MKI67: variants seen among roughly 807,000 people sequenced by gnomAD.
MKI67 encodes marker of proliferation Ki-67.
In MKI67, 152 loss-of-function variants were observed where a neutral mutation model predicts 233.5. That is an observed-to-expected ratio of 0.65 (90% CI 0.57 to 0.74). MKI67 has a LOEUF of 0.74. MKI67 is among the 30% of genes least tolerant of loss of function. The pLI, the probability that MKI67 is intolerant of heterozygous loss-of-function variation, is 0.00. For synonymous variants in MKI67, 1,465 were observed against 1,418.5 expected (o/e 1.03, Z -0.74); for missense variants, 3,940 against 3,885.2 (o/e 1.01, Z -0.37).
intron 2 of MKI67, among the ~76,000 whole-genome samples, chr10:128,123,572 G>T (rs1852995089): frequency 6.6e-6 from 1 of 152,172 alleles, no homozygotes; most frequent in Non-Finnish European, 1.5e-5. Context: ...ATCCCCAAAT[G>T]TGCTTATTTG....
In MKI67 at chr10:128,125,711, G is replaced by T. The variant is rs748958146; in HGVS notation, c.-44C>A. On this transcript the variant is annotated 5_prime_UTR_variant, in exon 2 of 15. Transcript: ENST00000368654. This position sits in a 1 kb window ranked among gnomAD's most constrained non-coding sequence, Gnocchi z 5.3. ...AGTATAATCCGTAGGGGAAGGCCAG[G>T]TATAATCCGTAGGGGAAGGCCAGAA... is the stretch of plus-strand genomic sequence containing the variant. The T allele has an allele frequency of 6.6e-7, 1 of 1,524,254 alleles. No homozygotes were observed. The highest frequency in any genetic ancestry group is 2.3e-5 in the East Asian group (1 of 44,438). The allele number at this position is 1,524,254 out of a possible 1,614,324, so 94.4% of individuals were successfully genotyped here. A position where few individuals can be genotyped will look rare whatever the true frequency, so the allele number is the denominator to read the frequency against.
At position 128,106,098 on chromosome 10, in the gene MKI67, C is replaced by T. The variant is rs772159000; in HGVS notation, c.5742G>A (p.Glu1914=). The T allele has an allele frequency of 2.7e-5, 44 of 1,613,998 alleles. No individual in the cohort carries two copies. Among genetic ancestry groups the T allele is most frequent in the Non-Finnish European group, 3.6e-5 (43 of 1,180,020 alleles). Residue 1914 remains glutamate (E), a synonymous_variant, in exon 13 of 15, where the codon GAG becomes GAA. Transcript: ENST00000368654. ...TCCCCACAAATGTGTTGATGTCTTT[C>T]TCTTCACCTACTGCTGCTTTAGGCG... ...MHTPKAAVGE[E]KDINTFVGTP... is the part of the protein sequence containing the mutation.
chr10:128,124,065 T>A (rs1404309576), intron 2 of MKI67, among the ~76,000 whole-genome samples: 1 of 152,184 alleles, frequency 6.6e-6, no homozygotes, highest in Non-Finnish European at 1.5e-5. Context: ...GACCAAACAC[T>A]TAGGAATTAT....
chr10:128,113,648 C>A, intron 7 of MKI67, 46 bp from the exon 8 acceptor site: 2 of 1,547,058 alleles, frequency 1.3e-6, no homozygotes, highest in Non-Finnish European at 1.8e-6. Context: ...AAAAAACATA[C>A]CAAGACTAGT....
intron 8 of MKI67, among the ~76,000 whole-genome samples, chr10:128,113,128 C>T (rs11592824): frequency 0.067 from 10,214 of 152,182 alleles, 654 homozygotes; most frequent in African/African-American, 0.16. Flanking sequence ...GCTATTCTGA[C>T]GGTGCCTGCA....
Position 128,105,667 on chromosome 10 carries a change from C to A in MKI67, c.6173G>T (p.Gly2058Val). The A allele has an allele frequency of 6.2e-7, 1 of 1,613,622 alleles. No homozygotes were observed. Among genetic ancestry groups the A allele is most frequent in the Non-Finnish European group, 8.5e-7 (1 of 1,179,942 alleles). ...AGGTGTTCTTGGCCACCTCTCCATC[C>A]CAGTTCCATAGTTTGCTGGGTCCAG... is the stretch of plus-strand genomic sequence containing the variant. Reference protein sequence around the residue: ...QMLDPANYGTGMERWPRTPKE... With the variant: ...QMLDPANYGTVMERWPRTPKE... The change falls in exon 13 of 15, where the codon GGG becomes GTG. Residue 2058 changes from glycine (G) to valine (V), a missense_variant. Coordinates refer to ENST00000368654, the MANE Select transcript of MKI67 (RefSeq NM_002417.5).
Position 128,115,537 on chromosome 10 carries a change from T to TA in MKI67, c.870dup (p.Lys291Ter). 1 of 1,614,264 alleles carries TA rather than the reference T, an allele frequency of 6.2e-7. No individual in the cohort carries two copies. The highest frequency in any genetic ancestry group is 1.1e-5 in the South Asian group (1 of 91,086). ...CTCCCACCAGATTTTGGTCTTGACTTACGCGAGACCAACAGTTGGGTCTCC... is the reference window on the plus strand; with the variant it reads ...CTCCCACCAGATTTTGGTCTTGACTTAACGCGAGACCAACAGTTGGGTCTCC... On this transcript the variant is annotated frameshift_variant, in exon 7 of 15. Coordinates refer to ENST00000368654, the MANE Select transcript of MKI67 (RefSeq NM_002417.5). LOFTEE classifies it high-confidence loss of function.
chr10:128,111,258 C>T (rs1311789124), intron 11 of MKI67, among the ~76,000 whole-genome samples: 1 of 152,202 alleles, frequency 6.6e-6, no homozygotes, highest in Non-Finnish European at 1.5e-5. Flanking sequence ...AAAGTCAATC[C>T]TGAAGAAGCA....
In MKI67 at chr10:128,107,616, C is replaced by T; in HGVS notation, c.4224G>A (p.Lys1408=). The change falls in exon 13 of 15, where the codon AAG becomes AAA. Residue 1408 remains lysine (K), a synonymous_variant. Coordinates refer to ENST00000368654, the MANE Select transcript of MKI67 (RefSeq NM_002417.5). ...TTTCCCCTGATGTCTGTGTGAGCTT[C>T]TTCAGGGCTGAGAGCTCCTTCTGTA... The part of the protein sequence containing the change: ...RDVQKELSAL[K]KLTQTSGETT... The T allele has an allele frequency of 6.2e-7, 1 of 1,614,126 alleles. No homozygotes were observed. The highest frequency in any genetic ancestry group is 2.2e-5 in the East Asian group (1 of 44,876).
chr10:128,097,170 C>T lies in MKI67; in HGVS notation c.*2020G>A, dbSNP rs1465635641. ...GAATGTCCTATTACATGGAAATTCACTTGGAAACTGAAGCTCAGAGAAGTT... is the reference window on the plus strand; with the variant it reads ...GAATGTCCTATTACATGGAAATTCATTTGGAAACTGAAGCTCAGAGAAGTT... On this transcript the variant is annotated 3_prime_UTR_variant, in exon 15 of 15. Transcript: ENST00000368654. The T allele has an allele frequency of 1.3e-5, 2 of 152,112 alleles. No individual in the cohort carries two copies. The highest frequency in any genetic ancestry group is 2.9e-5 in the Non-Finnish European group (2 of 68,034). The allele number at this position is 152,112 out of a possible 1,614,324, so 9.4% of individuals were successfully genotyped here.
Position 128,103,995 on chromosome 10 carries a change from C to T in MKI67, c.7845G>A (p.Glu2615=). The stretch of plus-strand genomic sequence containing the variant: ...GCGTGAGCCTCTCAACTGCTGAGAG[C>T]TCCTCTTTTACTTCTTTCCTGGGAC... The part of the protein sequence containing the change: ...KTRPRKEVKE[E]LSAVERLTQT... The change falls in exon 13 of 15, where the codon GAG becomes GAA. Residue 2615 remains glutamate (E), a synonymous_variant. Coordinates refer to ENST00000368654, the MANE Select transcript of MKI67 (RefSeq NM_002417.5). 5 of 1,614,058 alleles carry T rather than the reference C, an allele frequency of 3.1e-6. No homozygotes were observed. The highest frequency in any genetic ancestry group is 4.2e-6 in the Non-Finnish European group (5 of 1,180,020).
intron 2 of MKI67, among the ~76,000 whole-genome samples, chr10:128,124,275 C>G (rs908360425): frequency 1.3e-5 from 2 of 152,164 alleles, no homozygotes; most frequent in Admixed American, 6.5e-5. Flanking sequence ...GAAAGACTAT[C>G]CCTTACAACT....
rs1852813693 is a variant in MKI67, at chr10:128,116,539, G to A, written c.355-3C>T. ...CTTGAGACACGACGTGCTGGCTCCT[G>A]TAAGTTGGGAAAATAAGAACAGTTA... On this transcript the variant is annotated splice_region_variant and splice_polypyrimidine_tract_variant and intron_variant, in intron 5 of 14. Coordinates refer to ENST00000368654, the MANE Select transcript of MKI67 (RefSeq NM_002417.5). 1.9e-6 allele frequency: 3 copies of A among 1,613,438 alleles called. No homozygotes were observed. The highest frequency in any genetic ancestry group is 1.7e-6 in the Non-Finnish European group (2 of 1,179,332).
chr10:128,114,207 G>A (rs1030676357), intron 7 of MKI67, among the ~76,000 whole-genome samples: 5 of 152,174 alleles, frequency 3.3e-5, no homozygotes, highest in African/African-American at 9.7e-5. Flanking sequence ...CCTGGAGTAC[G>A]AATACTGCGT....
chr10:128,115,057 G>C lies in MKI67; in HGVS notation c.1351C>G (p.Gln451Glu). 1 of 1,613,586 alleles carries C rather than the reference G, an allele frequency of 6.2e-7. No homozygotes were observed. The highest frequency in any genetic ancestry group is 8.5e-7 in the Non-Finnish European group (1 of 1,179,462). ...NEPFLTLWLT[Q>E]VERKIQKDSL... The stretch of plus-strand genomic sequence containing the variant: ...TCCTTTTGGATCTTCCTCTCAACTT[G>C]AGTGAGCCACAGAGTTAAAAATGGC... The change falls in exon 7 of 15, where the codon CAA becomes GAA. Residue 451 changes from glutamine to glutamate, a missense_variant. By Grantham distance (29) the Gln-to-Glu change is conservative. Transcript: ENST00000368654.
Position 128,112,155 on chromosome 10 carries a change from A to G in MKI67, c.1947T>C (p.Gly649=). The G allele has an allele frequency of 1.2e-6, 2 of 1,613,906 alleles. No individual in the cohort carries two copies. Among genetic ancestry groups the G allele is most frequent in the Non-Finnish European group, 1.7e-6 (2 of 1,179,756 alleles). ...AACCAATCAGATTTGCTTCCGAAGCACCACTTCTTCTTTTGGAACATATCA... is the reference window on the plus strand; with the variant it reads ...AACCAATCAGATTTGCTTCCGAAGCGCCACTTCTTCTTTTGGAACATATCA... The part of the protein sequence containing the change: ...LQMICSKRRS[G]ASEANLIVAK... Residue 649 remains glycine, a synonymous_variant, in exon 9 of 15, where the codon GGT becomes GGC. Transcript: ENST00000368654.
intron 14 of MKI67, among the ~76,000 whole-genome samples, chr10:128,100,280 C>G (rs1852309673): frequency 6.6e-6 from 1 of 152,162 alleles, no homozygotes; most frequent in African/African-American, 2.4e-5. Context: ...ACTAGGACTT[C>G]CTGCCCACCA....
At position 128,109,150 on chromosome 10, in the gene MKI67, T is replaced by C. The variant is rs1852609969; in HGVS notation, c.2690A>G (p.Asn897Ser). The C allele has an allele frequency of 6.2e-7, 1 of 1,614,134 alleles. No individual in the cohort carries two copies. The highest frequency in any genetic ancestry group is 1.3e-5 in the African/African-American group (1 of 74,950). ...TAGGATGCACTCAACAATTTCTGTA[T>C]TTGTTTCTTCACTCTTACTTTCCAC... ...LPVESKSEET[N>S]TEIVECILKR... The change falls in exon 13 of 15, where the codon AAT becomes AGT. Residue 897 changes from asparagine to serine, a missense_variant. Physicochemically the swap from Asn to Ser is conservative, Grantham distance 46. Coordinates refer to ENST00000368654, the MANE Select transcript of MKI67 (RefSeq NM_002417.5).
At chr10:128,101,965 T>C (rs1206093121) in intron 13 of MKI67, among the ~76,000 whole-genome samples, 1 of 152,202 alleles carries the variant, frequency 6.6e-6, no homozygotes, top group Admixed American at 6.5e-5. Flanking sequence ...TAATAAGATA[T>C]ATATCAAATC....
Sources: allele counts gnomAD v4.1 joint callset (sites outside exome capture counted in the v4.1 genomes callset), GRCh38; gene constraint gnomAD v4.1.1; non-coding constraint Gnocchi (gnomAD v3.1); transcripts MANE v1.5; gene names NCBI Gene and HGNC (gene_info 2026-07-23, HGNC 2026-07-21).